The following CACNA1E variants were observed in gnomAD, a reference collection of about 807,000 sequenced individuals.
CACNA1E encodes voltage-dependent R-type calcium channel subunit alpha-1E.
A neutral mutation model predicts 259.2 loss-of-function variants in CACNA1E; 40 were observed. That is an observed-to-expected ratio of 0.15 (90% CI 0.12 to 0.20). The LOEUF is 0.20. Among genes scored for constraint, CACNA1E ranks in the 10% least tolerant of loss-of-function variants. The pLI, the probability that CACNA1E is intolerant of heterozygous loss-of-function variation, is 1.00. For missense variants in CACNA1E, 1,874 were observed against 3,040.1 expected (o/e 0.62, Z 9.02); for synonymous variants, 1,104 against 1,138.5 (o/e 0.97, Z 0.61).
At chr1:181,599,070 C>G (rs1653482627) in intron 6 of CACNA1E, among the ~76,000 whole-genome samples, 1 of 152,130 alleles carries the variant, frequency 6.6e-6, no homozygotes, top group Non-Finnish European at 1.5e-5. Flanking sequence ...GATACCAAGC[C>G]CAGCATCCAC....
intron 1 of CACNA1E, among the ~76,000 whole-genome samples, chr1:181,403,050 A>G (rs960179425): frequency 6.6e-6 from 1 of 152,174 alleles, no homozygotes; most frequent in Non-Finnish European, 1.5e-5. Context: ...TAGAGCCAGC[A>G]TGGTGCAGTA....
chr1:181,742,608 A>T (rs1045102392), intron 25 of CACNA1E, among the ~76,000 whole-genome samples: 3 of 152,180 alleles, frequency 2.0e-5, no homozygotes, highest in African/African-American at 7.2e-5. Flanking sequence ...CTGACATGGC[A>T]TTCCTTCCAC....
At chr1:181,416,969 C>T (rs1658319248) in intron 2 of CACNA1E, among the ~76,000 whole-genome samples, 1 of 152,028 alleles carries the variant, frequency 6.6e-6, no homozygotes, top group African/African-American at 2.4e-5. Context: ...CCTCTTGGTT[C>T]CTTAGCCCCT....
chr1:181,640,340 A>G (rs1657633695), intron 6 of CACNA1E, among the ~76,000 whole-genome samples: 1 of 152,194 alleles, frequency 6.6e-6, no homozygotes, highest in Non-Finnish European at 1.5e-5. Context: ...GCTGATGTAG[A>G]CTTATTGAGC....
chr1:181,666,466 A>G (rs929211880), intron 7 of CACNA1E, among the ~76,000 whole-genome samples: 5 of 152,122 alleles, frequency 3.3e-5, no homozygotes, highest in African/African-American at 1.2e-4. Flanking sequence ...GAAAAGGAAT[A>G]CTTCAAATTA....
intron 1 of CACNA1E, among the ~76,000 whole-genome samples, chr1:181,338,562 CTT>C (rs1277233669): frequency 1.4e-5 from 2 of 143,894 alleles, no homozygotes; most frequent in African/African-American, 5.2e-5. Context: ...AATATTAACT[CTT>C]TGTCAGATAT....
chr1:181,591,008 A>G (rs1652592067), intron 6 of CACNA1E, among the ~76,000 whole-genome samples: 2 of 152,222 alleles, frequency 1.3e-5, no homozygotes, highest in South Asian at 4.1e-4. Flanking sequence ...ATGTTGGGGG[A>G]AAAGCTACTG....
chr1:181,613,171 T>C (rs1654901645), intron 6 of CACNA1E, among the ~76,000 whole-genome samples: 1 of 152,212 alleles, frequency 6.6e-6, no homozygotes, highest in East Asian at 1.9e-4. Flanking sequence ...GATGTAATTT[T>C]TCTAAATTTG....
intron 6 of CACNA1E, among the ~76,000 whole-genome samples, chr1:181,582,696 A>G (rs926616952): frequency 1.3e-5 from 2 of 152,112 alleles, no homozygotes; most frequent in African/African-American, 4.8e-5. Context: ...CTGAGCATCT[A>G]TTACATGCCA....
chr1:181,472,545 C>T lies in CACNA1E; in HGVS notation c.435-11199C>T, dbSNP rs184648835. 3.5e-5 allele frequency among the ~76,000 whole-genome samples: 5 copies of T among 143,786 alleles called. No individual in the cohort carries two copies. In the Admixed American group the frequency reaches 3.7e-4, roughly 11 times the overall value. The allele number at this position is 143,786 out of a possible 152,430, so 94.3% of individuals were successfully genotyped here. A position where few individuals can be genotyped will look rare whatever the true frequency, so the allele number is the denominator to read the frequency against. ...AAAGGAAGTTGTCTTTTGACATCACCTATAATGCCTGGTATCTGTACCTGT... is the reference window on the plus strand; with the variant it reads ...AAAGGAAGTTGTCTTTTGACATCACTTATAATGCCTGGTATCTGTACCTGT... On this transcript the variant is annotated intron_variant, in intron 2 of 11. Transcript: ENST00000524607.
At chr1:181,322,706 T>A (rs944978070) in intron 1 of CACNA1E, among the ~76,000 whole-genome samples, 6 of 152,238 alleles carry the variant, frequency 3.9e-5, no homozygotes, top group Non-Finnish European at 8.8e-5. Context: ...CCTTCCCGTT[T>A]ATGTTCATGT....
intron 7 of CACNA1E, among the ~76,000 whole-genome samples, chr1:181,670,698 C>T (rs1648703713): frequency 6.6e-6 from 1 of 152,166 alleles, no homozygotes; most frequent in African/African-American, 2.4e-5. Context: ...GGCCTCCCCA[C>T]CCTCGGCAGA....
chr1:181,791,799 C>G (rs1661336561), intron 44 of CACNA1E, among the ~76,000 whole-genome samples: 1 of 152,172 alleles, frequency 6.6e-6, no homozygotes, highest in Non-Finnish European at 1.5e-5. Flanking sequence ...CTCTTCTCTC[C>G]CCTTCATTTC....
chr1:181,536,127 A>G (rs1000302928), intron 3 of CACNA1E, among the ~76,000 whole-genome samples: 4 of 151,902 alleles, frequency 2.6e-5, no homozygotes, highest in African/African-American at 7.3e-5. Flanking sequence ...TTTTTATGGC[A>G]TTTTAAGATT....
intron 7 of CACNA1E, among the ~76,000 whole-genome samples, chr1:181,678,920 GT>G (rs1474026749): frequency 6.6e-6 from 1 of 152,188 alleles, no homozygotes; most frequent in Non-Finnish European, 1.5e-5. Flanking sequence ...CTAGCCTCCT[GT>G]GAAACATGAA....
rs371033645 is a variant in CACNA1E, at chr1:181,672,850, T to A, written c.1055+21409T>A. Among the ~76,000 whole-genome samples, 4 of 152,332 alleles carry A rather than the reference T, an allele frequency of 2.6e-5. No homozygotes were observed. The South Asian group carries it at 6.2e-4, about 24-fold the overall frequency. ...AAGTTGGTGGCATTTGTATTTGAGATCATGCACCTTTGCTGTCCCTTAGTT... is the reference window on the plus strand; with the variant it reads ...AAGTTGGTGGCATTTGTATTTGAGAACATGCACCTTTGCTGTCCCTTAGTT... On this transcript the variant is annotated intron_variant, in intron 7 of 47. Transcript: ENST00000367573.
chr1:181,607,182 C>T (rs531905581), intron 6 of CACNA1E, among the ~76,000 whole-genome samples: 2 of 152,222 alleles, frequency 1.3e-5, no homozygotes, highest in African/African-American at 4.8e-5. Context: ...ACTTTTGTGC[C>T]TAGGGCTTTG....
rs114662930 is a variant in CACNA1E at position 181,722,018 on chromosome 1, T to G, written c.2074+143T>G. The G allele has an allele frequency of 2.2e-3, 1,382 of 621,530 alleles. 16 individuals carry two copies. The African/African-American group carries it at 0.023, about 10-fold the overall frequency. 38.5% of individuals were successfully genotyped at this position (621,530 alleles called of 1,614,324 possible). On this transcript the variant is annotated intron_variant, in intron 16 of 47. Coordinates refer to ENST00000367573, the MANE Select transcript of CACNA1E (RefSeq NM_001205293.3). Reference sequence around the variant, plus strand: ...TTTGGTGTACTAAAGTAAATAAGGATCCTGATCTGAAGGACTTTATGTACT... The same window carrying G: ...TTTGGTGTACTAAAGTAAATAAGGAGCCTGATCTGAAGGACTTTATGTACT...
At chr1:181,390,696 C>T (rs752520214) in intron 1 of CACNA1E, among the ~76,000 whole-genome samples, 10 of 152,122 alleles carry the variant, frequency 6.6e-5, no homozygotes, top group East Asian at 3.9e-4. Context: ...GCTGCCAGCT[C>T]GGTGCTTTTG....
Sources: gnomAD v4.1 joint callset for allele counts (sites outside exome capture counted in the v4.1 genomes callset) on GRCh38, gnomAD v4.1.1 for gene constraint, MANE v1.5 for transcripts, NCBI Gene and HGNC (gene_info 2026-07-23, HGNC 2026-07-21) for gene names.